The following MAGI2 variants were observed in gnomAD, a reference collection of about 807,000 sequenced individuals.
MAGI2 encodes the protein membrane-associated guanylate kinase, WW and PDZ domain-containing protein 2.
In MAGI2, 35 loss-of-function variants were observed where a neutral mutation model predicts 133.3. The observed-to-expected ratio is 0.26, with a 90% confidence interval of 0.20 to 0.35. The LOEUF is 0.35. MAGI2 is among the 10% of genes least tolerant of loss of function. The pLI is 1.00. For synonymous variants in MAGI2, 729 were observed against 710.6 expected, an observed-to-expected ratio of 1.03 and a Z score of -0.41; for missense variants, 1,636 against 1,863.4, an observed-to-expected ratio of 0.88 and a Z score of 2.25.
intron 21 of MAGI2, among the ~76,000 whole-genome samples, chr7:78,060,250 C>CG (rs1563067532): frequency 4.4e-5 from 5 of 113,138 alleles, no homozygotes; most frequent in South Asian, 3.1e-4. Context: ...AGGGACCCCC[C>CG]CCCCTCTTTA....
intron 2 of MAGI2, among the ~76,000 whole-genome samples, chr7:79,005,516 C>T (rs929505421): frequency 3.9e-5 from 6 of 152,156 alleles, no homozygotes; most frequent in African/African-American, 1.4e-4. Flanking sequence ...GCAAAATTTA[C>T]TCCTATTATC....
At position 78,290,066 on chromosome 7, in the gene MAGI2, C is replaced by T. The variant is rs541510379; in HGVS notation, c.1409-33485G>A. 2.6e-3 allele frequency among the ~76,000 whole-genome samples: 389 copies of T among 152,306 alleles called. 3 individuals are homozygous for T. The highest frequency in any genetic ancestry group is 8.8e-3 in the African/African-American group (365 of 41,562). Reference sequence around the variant, plus strand: ...ATCAACAAACGGGCAAAATAACCAGCTAGCATCATAATGACAGGATCAAAT... The same window carrying T: ...ATCAACAAACGGGCAAAATAACCAGTTAGCATCATAATGACAGGATCAAAT... On this transcript the variant is annotated intron_variant, in intron 9 of 21. Transcript: ENST00000354212.
intron 2 of MAGI2, among the ~76,000 whole-genome samples, chr7:78,707,590 A>C (rs1357650058): frequency 1.3e-5 from 2 of 152,072 alleles, no homozygotes; most frequent in South Asian, 2.1e-4. Flanking sequence ...AAATAGTTTA[A>C]CAGATTGTAT....
chr7:78,414,731 C>A (rs1170209775), intron 6 of MAGI2, among the ~76,000 whole-genome samples: 2 of 151,970 alleles, frequency 1.3e-5, no homozygotes, highest in African/African-American at 2.4e-5. Flanking sequence ...GGAAATGGGG[C>A]AGACCCAGCC....
intron 2 of MAGI2, chr7:78,902,528 G>C (rs1425818722): frequency 6.6e-6 from 1 of 152,136 alleles, no homozygotes; most frequent in Non-Finnish European, 1.5e-5. Context: ...CAAACTCATG[G>C]TGATTAAGAA....
At chr7:78,465,355 T>C (rs538460537) in intron 6 of MAGI2, among the ~76,000 whole-genome samples, 1 of 152,310 alleles carries the variant, frequency 6.6e-6, no homozygotes, top group East Asian at 1.9e-4. Context: ...TATGTCTAGA[T>C]AGAGGACTTT....
intron 1 of MAGI2, among the ~76,000 whole-genome samples, chr7:79,428,598 G>A (rs1366256648): frequency 1.3e-5 from 2 of 152,132 alleles, no homozygotes; most frequent in African/African-American, 4.8e-5. Context: ...CTACATTTGT[G>A]ATGAAATGTA....
chr7:78,364,545 T>C (rs1793176378), intron 7 of MAGI2, among the ~76,000 whole-genome samples: 1 of 152,202 alleles, frequency 6.6e-6, no homozygotes, highest in African/African-American at 2.4e-5. Flanking sequence ...CATGAAAAAC[T>C]TGTAAAACCT....
At chr7:79,104,652 C>A (rs533222892) in intron 1 of MAGI2, among the ~76,000 whole-genome samples, 2 of 151,564 alleles carry the variant, frequency 1.3e-5, no homozygotes, top group South Asian at 4.2e-4. Flanking sequence ...GGCAACAGAG[C>A]GAGACTCCAT....
chr7:78,569,000 G>A (rs912245671), intron 3 of MAGI2, among the ~76,000 whole-genome samples: 2 of 151,682 alleles, frequency 1.3e-5, no homozygotes, highest in Non-Finnish European at 1.5e-5. Flanking sequence ...TTTTGCCCCC[G>A]ACACCTGCTT....
intron 1 of MAGI2, among the ~76,000 whole-genome samples, chr7:79,273,791 C>G (rs1024438760): frequency 1.3e-5 from 2 of 151,988 alleles, no homozygotes; most frequent in Non-Finnish European, 2.9e-5. Context: ...TTCACTGTTC[C>G]CCTTATGCAA....
intron 2 of MAGI2, among the ~76,000 whole-genome samples, chr7:78,656,716 A>G (rs975247982): frequency 6.6e-6 from 1 of 152,234 alleles, no homozygotes; most frequent in Non-Finnish European, 1.5e-5. Flanking sequence ...TTCACAATGT[A>G]TATCAAAACA....
chr7:78,392,643 T>C (rs1196442352), intron 6 of MAGI2, among the ~76,000 whole-genome samples: 3 of 152,208 alleles, frequency 2.0e-5, no homozygotes, highest in East Asian at 3.8e-4. Flanking sequence ...CTTATTTTTT[T>C]ATTTTTTGAG....
intron 9 of MAGI2, among the ~76,000 whole-genome samples, chr7:78,314,883 T>G (rs1246852390): frequency 6.6e-6 from 1 of 152,202 alleles, no homozygotes; most frequent in East Asian, 1.9e-4. Context: ...TTGATTGTGG[T>G]TGTTTCTATT....
chr7:79,210,957 C>A (rs2129552656), intron 1 of MAGI2, among the ~76,000 whole-genome samples: 1 of 152,058 alleles, frequency 6.6e-6, no homozygotes, highest in East Asian at 1.9e-4. Context: ...ACCTAAGTAA[C>A]CATAAAAATG....
intron 6 of MAGI2, among the ~76,000 whole-genome samples, chr7:78,379,035 G>A (rs577172687): frequency 6.6e-6 from 1 of 151,916 alleles, no homozygotes; most frequent in East Asian, 1.9e-4. Flanking sequence ...ACAAACATTA[G>A]AACACAATTA....
rs1563223414 is a variant in MAGI2 at position 78,179,739 on chromosome 7, T to A, written c.2312-1637A>T. Among the ~76,000 whole-genome samples the A allele has an allele frequency of 2.0e-5, 3 of 152,152 alleles. No homozygotes were observed. In the South Asian group the frequency reaches 6.2e-4, roughly 32 times the overall value. On this transcript the variant is annotated intron_variant, in intron 13 of 21. Coordinates refer to ENST00000354212, the MANE Select transcript of MAGI2 (RefSeq NM_012301.4). The stretch of plus-strand genomic sequence containing the variant: ...CATCCTTTAGAAATTATATAATCAG[T>A]CATATTTTAAAGATGGGAGAACTTA...
chr7:78,463,894 A>T (rs904619584), intron 6 of MAGI2, among the ~76,000 whole-genome samples: 1 of 152,170 alleles, frequency 6.6e-6, no homozygotes, highest in Admixed American at 6.5e-5. Context: ...GGAAGGGGGA[A>T]TGAAAGAAGG....
At chr7:79,201,410 C>G (rs960077371) in intron 1 of MAGI2, among the ~76,000 whole-genome samples, 2 of 151,986 alleles carry the variant, frequency 1.3e-5, no homozygotes, top group Non-Finnish European at 2.9e-5. Context: ...AATAAAGTTT[C>G]TCTAACTGTG....
Sources: allele counts gnomAD v4.1 joint callset (sites outside exome capture counted in the v4.1 genomes callset), GRCh38; gene constraint gnomAD v4.1.1; transcripts MANE v1.5; gene names NCBI Gene and HGNC (gene_info 2026-07-23, HGNC 2026-07-21).